Variants in CACNA1E observed in about 807,000 individuals in gnomAD.
The protein encoded by CACNA1E is voltage-dependent R-type calcium channel subunit alpha-1E.
CACNA1E carries 40 observed loss-of-function variants against 259.2 expected under a neutral mutation model. That is an observed-to-expected ratio of 0.15 (90% CI 0.12 to 0.20). CACNA1E has a LOEUF of 0.20. CACNA1E is among the 10% of genes least tolerant of loss of function. The pLI is 1.00. For synonymous variants in CACNA1E, 1,104 were observed against 1,138.5 expected (o/e 0.97, Z 0.61); for missense variants, 1,874 against 3,040.1 (o/e 0.62, Z 9.02).
chr1:181,525,245 G>A (rs1238177120), intron 3 of CACNA1E, among the ~76,000 whole-genome samples: 1 of 152,176 alleles, frequency 6.6e-6, no homozygotes, highest in African/African-American at 2.4e-5. Context: ...GTAAGGCCTA[G>A]CGGTGAGCAG....
chr1:181,421,933 G>A (rs1025864372), intron 2 of CACNA1E, among the ~76,000 whole-genome samples: 2 of 152,170 alleles, frequency 1.3e-5, no homozygotes, highest in African/African-American at 4.8e-5. Flanking sequence ...GGCTCATAAA[G>A]CCCTATCCGA....
At chr1:181,372,093 C>A (rs936629297) in intron 1 of CACNA1E, among the ~76,000 whole-genome samples, 1 of 152,110 alleles carries the variant, frequency 6.6e-6, no homozygotes, top group Middle Eastern at 3.4e-3. Flanking sequence ...CTTTTTGGTT[C>A]CATATGAATT....
chr1:181,344,754 G>T (rs960667743), intron 1 of CACNA1E, among the ~76,000 whole-genome samples: 7 of 152,166 alleles, frequency 4.6e-5, no homozygotes, highest in African/African-American at 1.4e-4. Context: ...AAGATAGAGG[G>T]CCCTTTCTTG....
intron 18 of CACNA1E, among the ~76,000 whole-genome samples, chr1:181,726,943 A>G (rs1054578699): frequency 1.1e-4 from 16 of 152,168 alleles, no homozygotes; most frequent in African/African-American, 3.9e-4. Flanking sequence ...GAGGATGAAT[A>G]AAAGGGAAGA....
chr1:181,373,042 C>T (rs1412881941), intron 1 of CACNA1E, among the ~76,000 whole-genome samples: 4 of 152,042 alleles, frequency 2.6e-5, no homozygotes, highest in Non-Finnish European at 5.9e-5. Flanking sequence ...AGTTTGGCAG[C>T]ATTTTGTTGA....
chr1:181,417,196 T>C (rs1658336926), intron 2 of CACNA1E, among the ~76,000 whole-genome samples: 1 of 152,076 alleles, frequency 6.6e-6, no homozygotes, highest in Admixed American at 6.6e-5. Flanking sequence ...CTTTTCACTA[T>C]CCCCTTCCCC....
intron 2 of CACNA1E, among the ~76,000 whole-genome samples, chr1:181,434,183 A>G (rs1464082140): frequency 1.3e-5 from 2 of 152,316 alleles, no homozygotes; most frequent in Non-Finnish European, 1.5e-5. Flanking sequence ...GGTGATTATA[A>G]TAGTGCTCAC....
chr1:181,409,018 C>T lies in CACNA1E; in HGVS notation c.-14-4115C>T, dbSNP rs777105861. Among the ~76,000 whole-genome samples the T allele has an allele frequency of 3.3e-5, 5 of 152,080 alleles. No individual in the cohort carries two copies. The East Asian group carries it at 5.8e-4, about 18-fold the overall frequency. ...TCTCTGTAGAACCTGCTTCCATGGG[C>T]GTAGGCTGAATGACAATAATGGAGT... On this transcript the variant is annotated intron_variant, in intron 1 of 11. Transcript: ENST00000524607.
chr1:181,538,456 A>T (rs550709279), intron 3 of CACNA1E, among the ~76,000 whole-genome samples: 1 of 152,234 alleles, frequency 6.6e-6, no homozygotes, highest in African/African-American at 2.4e-5. Context: ...CAGGTGTTCA[A>T]TAAAGTACTG....
intron 1 of CACNA1E, among the ~76,000 whole-genome samples, chr1:181,408,652 C>G (rs1040699828): frequency 2.6e-5 from 4 of 151,992 alleles, no homozygotes; most frequent in Admixed American, 2.6e-4. Flanking sequence ...TCTGGGGCTG[C>G]TGGATTACAC....
Position 181,796,796 on chromosome 1 carries a change from T to TC in CACNA1E, c.6341dup (p.Glu2115ArgfsTer10). ...GCGAGGGACCCAGGCTGACTGGGAG[T>TC]CCCCAGAGCGCCGTCAATCCAGGTC... is the stretch of plus-strand genomic sequence containing the variant. On this transcript the variant is annotated frameshift_variant, in exon 47 of 48. Coordinates refer to ENST00000367573, the MANE Select transcript of CACNA1E (RefSeq NM_001205293.3). LOFTEE classifies it high-confidence loss of function. The TC allele has an allele frequency of 6.2e-7, 1 of 1,610,716 alleles. No individual in the cohort carries two copies. Among genetic ancestry groups the TC allele is most frequent in the Non-Finnish European group, 8.5e-7 (1 of 1,178,580 alleles).
At chr1:181,559,468 G>A (rs1649088807) in intron 3 of CACNA1E, among the ~76,000 whole-genome samples, 1 of 152,080 alleles carries the variant, frequency 6.6e-6, no homozygotes, top group African/African-American at 2.4e-5. Flanking sequence ...AATAAAAGTG[G>A]GGAAAGGCAA....
At chr1:181,503,350 C>T (rs180893526) in intron 1 of CACNA1E, among the ~76,000 whole-genome samples, 3 of 152,328 alleles carry the variant, frequency 2.0e-5, no homozygotes, top group East Asian at 1.9e-4. Flanking sequence ...TTAGCCCTGG[C>T]CTGGGGTGTG....
Position 181,653,445 on chromosome 1 carries a change from A to T in CACNA1E, c.1055+2004A>T, listed in dbSNP as rs1658932141. Among the ~76,000 whole-genome samples the T allele has an allele frequency of 2.6e-5, 4 of 152,092 alleles. No individual in the cohort carries two copies. The South Asian group carries it at 8.3e-4, about 32-fold the overall frequency. On this transcript the variant is annotated intron_variant, in intron 7 of 47. Coordinates refer to ENST00000367573, the MANE Select transcript of CACNA1E (RefSeq NM_001205293.3). ...GATGTGCCTTTCACCTTCTGCCATG[A>T]TTGTGAGGCCTCCCCAGCCACGTGG... is the stretch of plus-strand genomic sequence containing the variant.
At chr1:181,639,857 A>G (rs1239272548) in intron 6 of CACNA1E, among the ~76,000 whole-genome samples, 1 of 152,182 alleles carries the variant, frequency 6.6e-6, no homozygotes, top group Non-Finnish European at 1.5e-5. Context: ...GAGAGTACAA[A>G]TCATCACAAA....
At chr1:181,682,625 G>A (rs547947864) in intron 7 of CACNA1E, among the ~76,000 whole-genome samples, 23 of 152,288 alleles carry the variant, frequency 1.5e-4, no homozygotes, top group Non-Finnish European at 2.2e-4. Context: ...ATATGGTTCC[G>A]CAGACTGTGC....
At chr1:181,759,395 C>CTGTGTGTGTGTGTG (rs10677275) in intron 32 of CACNA1E, among the ~76,000 whole-genome samples, 132 of 146,992 alleles carry the variant, frequency 9.0e-4, no homozygotes, top group African/African-American at 3.1e-3. Flanking sequence ...AGGGGTGTGT[C>CTGTGTGTGTGTGTG]TGTGTGTGTG....
intron 2 of CACNA1E, among the ~76,000 whole-genome samples, chr1:181,414,488 G>A (rs1443331576): frequency 6.6e-6 from 1 of 152,124 alleles, no homozygotes; most frequent in Non-Finnish European, 1.5e-5. Context: ...TTGTTAGTTC[G>A]CTCATTCATT....
chr1:181,731,484 A>T (rs1186006865), intron 19 of CACNA1E, among the ~76,000 whole-genome samples: 1 of 152,030 alleles, frequency 6.6e-6, no homozygotes, highest in African/African-American at 2.4e-5. Context: ...GAGTGGGTAT[A>T]TGTTGTGTTA....
Sources: allele counts gnomAD v4.1 joint callset (sites outside exome capture counted in the v4.1 genomes callset), GRCh38; gene constraint gnomAD v4.1.1; transcripts MANE v1.5; gene names NCBI Gene and HGNC (gene_info 2026-07-23, HGNC 2026-07-21).